ADCK1: variants seen among roughly 807,000 people sequenced by gnomAD.
ADCK1 encodes aarF domain containing kinase 1.
ADCK1 carries 41 observed loss-of-function variants against 52.3 expected under a neutral mutation model. The ratio of observed to expected loss-of-function variants is 0.78; its 90% CI spans 0.61 to 1.02. The LOEUF is 1.02. Among genes scored for constraint, ADCK1 ranks in the 50% least tolerant of loss-of-function variants. The probability of loss-of-function intolerance (pLI) is 0.00; values close to 1 mark genes in which losing one functional copy is unlikely to be tolerated. For synonymous variants in ADCK1, 250 were observed against 274.6 expected, an observed-to-expected ratio of 0.91 and a Z score of 0.89; for missense variants, 658 against 679.5, an observed-to-expected ratio of 0.97 and a Z score of 0.35.
chr14:77,919,818 A>G (rs914656162), intron 7 of ADCK1, among the ~76,000 whole-genome samples: 1 of 151,954 alleles, frequency 6.6e-6, no homozygotes, highest in African/African-American at 2.4e-5. Flanking sequence ...TTTGATTTGC[A>G]TTTCCCTGAT....
At chr14:77,850,793 G>C (rs1336751258) in intron 3 of ADCK1, among the ~76,000 whole-genome samples, 10 of 151,618 alleles carry the variant, frequency 6.6e-5, no homozygotes, top group Non-Finnish European at 1.3e-4. Flanking sequence ...TGGGACTACA[G>C]GTGCCCGCCA....
intron 1 of ADCK1, among the ~76,000 whole-genome samples, chr14:77,809,506 T>G (rs954182027): frequency 6.6e-6 from 1 of 151,826 alleles, no homozygotes; most frequent in Admixed American, 6.6e-5. Context: ...ATTTTTGCAT[T>G]TTTAGTAGAG....
chr14:77,842,474 T>G (rs1938101052), intron 3 of ADCK1, among the ~76,000 whole-genome samples: 1 of 141,862 alleles, frequency 7.0e-6, no homozygotes, highest in African/African-American at 2.6e-5. Flanking sequence ...CTTCCTTCCT[T>G]CCTTCCTTCC....
At chr14:77,911,081 G>A (rs11627983) in intron 7 of ADCK1, among the ~76,000 whole-genome samples, 4,885 of 152,220 alleles carry the variant, frequency 0.032, 179 homozygotes, top group East Asian at 0.13. Context: ...ATAATTATAA[G>A]CAACTAATAT....
chr14:77,858,499 C>A (rs567293794), intron 3 of ADCK1, among the ~76,000 whole-genome samples: 1 of 152,240 alleles, frequency 6.6e-6, no homozygotes, highest in South Asian at 2.1e-4. Flanking sequence ...CTTGGCCTCC[C>A]AAAGTGTTGG....
intron 3 of ADCK1, among the ~76,000 whole-genome samples, chr14:77,858,657 A>G (rs1184780597): frequency 6.6e-6 from 1 of 152,190 alleles, no homozygotes; most frequent in East Asian, 1.9e-4. Context: ...TGTTTTATAA[A>G]ACGTAGCAAT....
chr14:77,922,221 C>T (rs1040797333), intron 7 of ADCK1, among the ~76,000 whole-genome samples: 1 of 152,130 alleles, frequency 6.6e-6, no homozygotes, highest in African/African-American at 2.4e-5. Flanking sequence ...TGGCTGGGGG[C>T]CCCCTCTCCA....
At chr14:77,817,929 G>A (rs1015370947) in intron 1 of ADCK1, among the ~76,000 whole-genome samples, 5 of 151,006 alleles carry the variant, frequency 3.3e-5, no homozygotes, top group Admixed American at 2.0e-4. Context: ...TAGTAGAGAC[G>A]GGGTTTCATC....
intron 3 of ADCK1, among the ~76,000 whole-genome samples, chr14:77,831,249 T>A (rs2081842585): frequency 6.6e-6 from 1 of 152,200 alleles, no homozygotes; most frequent in Admixed American, 6.5e-5. Flanking sequence ...AAACTCTGTT[T>A]CTTCTCCTAA....
rs536575023 is a variant in ADCK1, at chr14:77,857,581, A to G, written c.220-1495A>G. Among the ~76,000 whole-genome samples the G allele has an allele frequency of 1.3e-3, 199 of 152,266 alleles. 1 individual carries two copies. Among genetic ancestry groups the G allele is most frequent in the African/African-American group, 4.7e-3 (195 of 41,534 alleles). On this transcript the variant is annotated intron_variant, in intron 3 of 10. Coordinates refer to ENST00000238561, the MANE Select transcript of ADCK1 (RefSeq NM_020421.4). ...TCTGTTTTTCCACTCTCTACTTCCAATATCACATGTTCTCTCTTACATGTG... is the reference window on the plus strand; with the variant it reads ...TCTGTTTTTCCACTCTCTACTTCCAGTATCACATGTTCTCTCTTACATGTG...
At chr14:77,894,484 G>A (rs938725615) in intron 5 of ADCK1, among the ~76,000 whole-genome samples, 4 of 152,070 alleles carry the variant, frequency 2.6e-5, no homozygotes, top group Non-Finnish European at 4.4e-5. Context: ...GTCCTGTGTC[G>A]TTGTGTTGTG....
intron 3 of ADCK1, 94 bp from the exon 4 acceptor site, chr14:77,858,982 G>C (rs890040377): frequency 1.4e-5 from 17 of 1,203,908 alleles, no homozygotes; most frequent in Non-Finnish European, 2.0e-5. Flanking sequence ...GTGGGGTAAT[G>C]AGGGTTTTCA....
chr14:77,829,362 A>T (rs1314615750), intron 3 of ADCK1, among the ~76,000 whole-genome samples: 1 of 149,928 alleles, frequency 6.7e-6, no homozygotes, highest in East Asian at 2.0e-4. Flanking sequence ...TGGTGCGATC[A>T]TGGTTCACTG....
intron 2 of ADCK1, among the ~76,000 whole-genome samples, chr14:77,821,528 A>G (rs1430809649): frequency 1.3e-5 from 2 of 152,166 alleles, no homozygotes; most frequent in Admixed American, 6.6e-5. Context: ...CATGCCTAGG[A>G]TATCGTGGAG....
At chr14:77,814,048 G>A (rs531838351) in intron 1 of ADCK1, among the ~76,000 whole-genome samples, 6 of 151,996 alleles carry the variant, frequency 3.9e-5, no homozygotes, top group African/African-American at 1.2e-4. Context: ...GATTACAGGT[G>A]TGAGCCACCA....
At chr14:77,811,972 C>A (rs1035502719) in intron 1 of ADCK1, among the ~76,000 whole-genome samples, 1 of 152,060 alleles carries the variant, frequency 6.6e-6, no homozygotes, top group East Asian at 1.9e-4. Context: ...TTAATTTATT[C>A]TTTTAATTTA....
intron 4 of ADCK1, among the ~76,000 whole-genome samples, chr14:77,866,105 T>G (rs1164103298): frequency 6.6e-6 from 1 of 152,140 alleles, no homozygotes; most frequent in Non-Finnish European, 1.5e-5. Flanking sequence ...CATCATAGAG[T>G]ACTTACACAA....
chr14:77,858,345 C>A (rs1023120704), intron 3 of ADCK1, among the ~76,000 whole-genome samples: 2 of 152,066 alleles, frequency 1.3e-5, no homozygotes, highest in African/African-American at 4.8e-5. Flanking sequence ...TCAAGCAATT[C>A]TCTGCCTTAG....
At chr14:77,822,787 C>T (rs974279387) in intron 3 of ADCK1, among the ~76,000 whole-genome samples, 5 of 152,236 alleles carry the variant, frequency 3.3e-5, no homozygotes, top group Non-Finnish European at 5.9e-5. Context: ...AGAGGAGGAC[C>T]ACTTCCTCCT....
Sources: gnomAD v4.1 joint callset for allele counts (sites outside exome capture counted in the v4.1 genomes callset) on GRCh38, gnomAD v4.1.1 for gene constraint, MANE v1.5 for transcripts, NCBI Gene and HGNC (gene_info 2026-07-23, HGNC 2026-07-21) for gene names.